Variants in HMCN1 observed in about 807,000 individuals in gnomAD.
HMCN1 encodes hemicentin-1.
Under a neutral mutation model 625.9 loss-of-function variants are expected in HMCN1, and 321 were observed. The ratio of observed to expected loss-of-function variants is 0.51; its 90% CI spans 0.47 to 0.56. The LOEUF (loss-of-function observed/expected upper bound fraction) is 0.56. Among genes scored for constraint, HMCN1 ranks in the 20% least tolerant of loss-of-function variants. HMCN1 has a pLI of 0.00. For synonymous variants in HMCN1, 2,425 were observed against 2,417.6 expected (o/e 1.00, Z -0.09); for missense variants, 6,588 against 6,887.3 (o/e 0.96, Z 1.54).
chr1:185,997,382 A>C (rs763407742), intron 24 of HMCN1, 47 bp from the exon 25 acceptor site: 21 of 1,230,712 alleles, frequency 1.7e-5, no homozygotes, highest in South Asian at 4.8e-5. Flanking sequence ...GGAGAGTTTG[A>C]AATTGCTCAA....
intron 93 of HMCN1, among the ~76,000 whole-genome samples, chr1:186,150,378 T>G (rs978831575): frequency 3.0e-4 from 46 of 152,192 alleles, no homozygotes; most frequent in Non-Finnish European, 7.3e-5. Flanking sequence ...CACCAGTAAT[T>G]TTGTTGAACA....
At chr1:186,115,225 G>C in intron 74 of HMCN1, 33 bp from the exon 75 acceptor site, 1 of 1,612,674 alleles carries the variant, frequency 6.2e-7, no homozygotes, top group South Asian at 1.1e-5. Context: ...TTTGCTGACT[G>C]TGTTTCCTTC....
intron 1 of HMCN1, among the ~76,000 whole-genome samples, chr1:185,781,787 A>G (rs1158758788): frequency 6.6e-6 from 1 of 152,204 alleles, no homozygotes; most frequent in African/African-American, 2.4e-5. Context: ...CAATTTTGGA[A>G]TAAGTGCGAT....
At chr1:186,032,038 CA>C (rs769373105) in intron 36 of HMCN1, among the ~76,000 whole-genome samples, 148 of 135,284 alleles carry the variant, frequency 1.1e-3, no homozygotes, top group South Asian at 1.9e-3. Flanking sequence ...GTATTTGTTA[CA>C]AAAAAAAAAC....
intron 36 of HMCN1, among the ~76,000 whole-genome samples, chr1:186,037,364 T>C (rs1166541687): frequency 6.6e-6 from 1 of 152,182 alleles, no homozygotes; most frequent in African/African-American, 2.4e-5. Flanking sequence ...GTACATTAAA[T>C]AACAGATCAG....
intron 4 of HMCN1, among the ~76,000 whole-genome samples, chr1:185,869,234 C>A (rs1457008742): frequency 6.6e-6 from 1 of 152,172 alleles, no homozygotes; most frequent in East Asian, 1.9e-4. Flanking sequence ...AAAGTAAATG[C>A]ATCTTAAATG....
chr1:186,167,009 C>T (rs1255057765), intron 100 of HMCN1, 67 bp downstream of exon 100: 3 of 1,591,108 alleles, frequency 1.9e-6, no homozygotes, highest in Non-Finnish European at 2.6e-6. Context: ...TTTGACTCCT[C>T]AAAAGTTAAC....
At chr1:186,064,421 A>C (rs1400426975) in intron 48 of HMCN1, among the ~76,000 whole-genome samples, 1 of 152,150 alleles carries the variant, frequency 6.6e-6, no homozygotes, top group African/African-American at 2.4e-5. Flanking sequence ...TCTATGATAG[A>C]ATCCTGGTAT....
chr1:185,954,613 A>T (rs1238652071), intron 11 of HMCN1, among the ~76,000 whole-genome samples: 1 of 152,168 alleles, frequency 6.6e-6, no homozygotes, highest in Non-Finnish European at 1.5e-5. Flanking sequence ...AAATAAAAAC[A>T]TCTAAAAATG....
intron 1 of HMCN1, among the ~76,000 whole-genome samples, chr1:185,786,794 G>T (rs547674937): frequency 6.6e-6 from 1 of 152,170 alleles, no homozygotes; most frequent in South Asian, 2.1e-4. Context: ...CTAGGTTTTG[G>T]GCATACTAGT....
chr1:186,088,752 C>A lies in HMCN1; in HGVS notation c.9724C>A (p.Gln3242Lys). The A allele has an allele frequency of 6.2e-7, 1 of 1,605,882 alleles. No individual in the cohort carries two copies. Residue 3242 changes from glutamine to lysine, a missense_variant, in exon 63 of 107, where the codon CAA becomes AAA. Physicochemically the swap from Gln to Lys is moderately conservative, Grantham distance 53. This residue lies in a region of HMCN1 where 4,628 missense variants were observed against 4,853.1 expected (regional missense o/e 0.95). Transcript: ENST00000271588. ...CCAGAAATATTACTTTCTTTCAATT[C>A]AAGGTATGTATTGTCCACTATGATC... is the stretch of plus-strand genomic sequence containing the variant. ...KAQKYYFLSI[Q>K]VPPSVAGAEI... is the part of the protein sequence containing the mutation.
intron 48 of HMCN1, 124 bp from the exon 49 acceptor site, chr1:186,065,114 G>T (rs1234250933): frequency 7.4e-6 from 5 of 675,252 alleles, no homozygotes; most frequent in South Asian, 7.2e-5. Context: ...TTAAATGAAT[G>T]ATTACTGCCG....
chr1:186,044,030 G>A (rs889562630), intron 40 of HMCN1, among the ~76,000 whole-genome samples: 3 of 152,056 alleles, frequency 2.0e-5, no homozygotes, highest in Admixed American at 6.6e-5. Flanking sequence ...GCAGTGAGCC[G>A]AGATCATGCC....
rs547378662 is a variant in HMCN1 at position 185,780,598 on chromosome 1, G to A, written c.268+45551G>A. ...GTCGAAGGCCTTTTCTGCATCTATT[G>A]AGATAATCATGTGGTTTTTGTCTTT... On this transcript the variant is annotated intron_variant, in intron 1 of 106. Transcript: ENST00000271588. Among the ~76,000 whole-genome samples, 312 of 152,288 alleles carry A rather than the reference G, an allele frequency of 2.0e-3. 1 individual carries two copies. The highest frequency in any genetic ancestry group is 3.0e-3 in the Non-Finnish European group (207 of 68,038).
chr1:186,063,096 A>G (rs78421297), intron 48 of HMCN1, among the ~76,000 whole-genome samples: 2,656 of 115,242 alleles, frequency 0.023, 208 homozygotes, highest in African/African-American at 0.093. Flanking sequence ...ATATATATAT[A>G]TATATATCAC....
chr1:186,122,897 C>T (rs1052380695), intron 80 of HMCN1, 54 bp from the exon 81 acceptor site: 123 of 1,567,808 alleles, frequency 7.8e-5, no homozygotes, highest in Middle Eastern at 2.3e-4. Context: ...ATGTAATTTG[C>T]GCACTCATGC....
chr1:185,931,263 T>C (rs1667531520), intron 10 of HMCN1, among the ~76,000 whole-genome samples: 1 of 152,156 alleles, frequency 6.6e-6, no homozygotes, highest in Non-Finnish European at 1.5e-5. Context: ...TGAGGTTTCC[T>C]TTCTGCTACC....
intron 23 of HMCN1, 96 bp downstream of exon 23, chr1:185,993,405 T>C (rs1571680780): frequency 7.1e-7 from 1 of 1,402,774 alleles, no homozygotes; most frequent in Non-Finnish European, 9.9e-7. Flanking sequence ...CCAAATTGTA[T>C]ATAGAGTGAT....
chr1:185,954,879 G>A (rs896275677), intron 11 of HMCN1, among the ~76,000 whole-genome samples: 1 of 152,074 alleles, frequency 6.6e-6, no homozygotes, highest in Non-Finnish European at 1.5e-5. Flanking sequence ...TCCATAATGG[G>A]AGACGTTTTC....
Sources: allele counts gnomAD v4.1 joint callset (sites outside exome capture counted in the v4.1 genomes callset), GRCh38; gene constraint gnomAD v4.1.1; regional missense constraint gnomAD v4.1.1; transcripts MANE v1.5; gene names NCBI Gene and HGNC (gene_info 2026-07-23, HGNC 2026-07-21).